TNS1: variants seen among roughly 807,000 people sequenced by gnomAD.
TNS1 encodes tensin-1.
Under a neutral mutation model 168.6 loss-of-function variants are expected in TNS1, and 62 were observed. The ratio of observed to expected loss-of-function variants is 0.37; its 90% CI spans 0.30 to 0.45. The LOEUF (loss-of-function observed/expected upper bound fraction) is 0.45. Ranked by LOEUF, TNS1 falls within the 20% of genes least tolerant of loss-of-function variation. The pLI, the probability that TNS1 is intolerant of heterozygous loss-of-function variation, is 1.00. For missense variants in TNS1, 2,240 were observed against 2,339.4 expected, an observed-to-expected ratio of 0.96 and a Z score of 0.88; for synonymous variants, 934 against 933.2, an observed-to-expected ratio of 1.00 and a Z score of -0.02.
intron 19 of TNS1, among the ~76,000 whole-genome samples, chr2:217,840,537 G>T (rs867956146): frequency 6.6e-6 from 1 of 152,266 alleles, no homozygotes; most frequent in Non-Finnish European, 1.5e-5. Flanking sequence ...CTCAGGCAGG[G>T]CCAGGACCCC....
intron 3 of TNS1, among the ~76,000 whole-genome samples, chr2:217,973,107 A>G (rs1957809532): frequency 6.6e-6 from 1 of 152,142 alleles, no homozygotes; most frequent in Admixed American, 6.5e-5. Context: ...TAATCTCAGC[A>G]CTTTGGGAAG....
At chr2:217,863,475 C>T (rs768256671) in intron 18 of TNS1, among the ~76,000 whole-genome samples, 43 of 152,098 alleles carry the variant, frequency 2.8e-4, no homozygotes, top group Admixed American at 9.8e-4. Flanking sequence ...TGGTCCCAAG[C>T]AATTGTATTG....
At chr2:217,920,659 GA>G (rs1308671498) in intron 3 of TNS1, among the ~76,000 whole-genome samples, 1 of 150,572 alleles carries the variant, frequency 6.6e-6, no homozygotes, top group Non-Finnish European at 1.5e-5. Context: ...ACCATCATCA[GA>G]AAAGGGAGAG....
In TNS1 at chr2:218,032,372, G is replaced by C. The variant is rs774962667; in HGVS notation, c.156+1448C>G. 1.4e-4 allele frequency among the ~76,000 whole-genome samples: 22 copies of C among 152,190 alleles called. No homozygotes were observed. Among genetic ancestry groups the C allele is most frequent in the African/African-American group, 2.4e-5 (1 of 41,440 alleles). ...TGTGGAGGAGGAGGCAGCATGACAG[G>C]GGAAGGGGGCGATGTGGCCTGGGTA... is the stretch of plus-strand genomic sequence containing the variant. On this transcript the variant is annotated intron_variant, in intron 1 of 1. Transcript: ENST00000649572. This position sits in a 1 kb window ranked among gnomAD's most constrained non-coding sequence, Gnocchi z 4.0.
Position 217,881,020 on chromosome 2 carries a change from T to C in TNS1, c.1313-6A>G. The C allele has an allele frequency of 1.2e-6, 2 of 1,605,470 alleles. No individual in the cohort carries two copies. Among genetic ancestry groups the C allele is most frequent in the Non-Finnish European group, 1.7e-6 (2 of 1,172,602 alleles). On this transcript the variant is annotated splice_polypyrimidine_tract_variant and splice_region_variant and intron_variant, in intron 17 of 32. Transcript: ENST00000682258. ...GTTCTCCAGGTGCTCCATGCCTAAGTGGGATGGGAAAGGCAGCGGCAGTCG... is the reference window on the plus strand; with the variant it reads ...GTTCTCCAGGTGCTCCATGCCTAAGCGGGATGGGAAAGGCAGCGGCAGTCG...
At chr2:218,015,152 G>A (rs865975070), upstream of TNS1, among the ~76,000 whole-genome samples, 4 of 152,136 alleles carry the variant, frequency 2.6e-5, no homozygotes, top group South Asian at 6.2e-4. Flanking sequence ...TACTGATTCC[G>A]GTTAAACTTG....
intron 3 of TNS1, among the ~76,000 whole-genome samples, chr2:217,945,845 G>A (rs1436478359): frequency 6.6e-6 from 1 of 152,128 alleles, no homozygotes; most frequent in Admixed American, 6.5e-5. Context: ...TCTGGGGCTT[G>A]GGTCAGCTCT....
intron 3 of TNS1, among the ~76,000 whole-genome samples, chr2:217,928,129 C>T (rs986896507): frequency 6.6e-6 from 1 of 152,246 alleles, no homozygotes; most frequent in African/African-American, 2.4e-5. Context: ...AGGCCTCCTT[C>T]AGGACCTGAG....
chr2:217,895,842 T>G (rs1952235511), intron 8 of TNS1, among the ~76,000 whole-genome samples: 1 of 152,018 alleles, frequency 6.6e-6, no homozygotes, highest in African/African-American at 2.4e-5. Context: ...CACTGTGTCA[T>G]CTCCTGGGGA....
rs1953806522 is a variant in TNS1 at position 217,907,130 on chromosome 2, C to A, written c.270+80G>T. The A allele has an allele frequency of 1.2e-5, 8 of 693,520 alleles. No homozygotes were observed. In the South Asian group the frequency reaches 1.2e-4, roughly 10 times the overall value. The allele number at this position is 693,520 out of a possible 1,614,324, so 43.0% of individuals were successfully genotyped here. On this transcript the variant is annotated intron_variant, in intron 5 of 32. Transcript: ENST00000682258. ...CCAACCACATCTGTCCACTCTCCCC[C>A]AAATCCACTCTCCACTTCCAGCCTT...
chr2:217,897,995 G>A, intron 7 of TNS1, 26 bp from the exon 8 acceptor site: 2 of 1,574,708 alleles, frequency 1.3e-6, no homozygotes, highest in Middle Eastern at 1.7e-4. Context: ...GCAGCGGAGG[G>A]TCCATATCAG....
intron 18 of TNS1, among the ~76,000 whole-genome samples, chr2:217,863,251 G>T (rs548245333): frequency 6.6e-6 from 1 of 151,878 alleles, no homozygotes; most frequent in South Asian, 2.1e-4. Context: ...CCCTGCAGGT[G>T]GGACAGGTGA....
At chr2:217,858,256 T>C (rs1948398717) in intron 18 of TNS1, among the ~76,000 whole-genome samples, 2 of 151,928 alleles carry the variant, frequency 1.3e-5, no homozygotes, top group South Asian at 4.2e-4. Flanking sequence ...CTATGGCTCT[T>C]ACGTGTCCCA....
Position 217,880,884 on chromosome 2 carries a change from T to A in TNS1, c.1429+14A>T, listed in dbSNP as rs566885176. On this transcript the variant is annotated intron_variant, in intron 18 of 32. Transcript: ENST00000682258. The surrounding 1 kb of genome is among the most constrained non-coding windows in gnomAD (Gnocchi z 4.2). ...AGTTTGGATAGGGGCTGGGAGCCAC[T>A]AGGTCCCACCTACCCTCCATGCCGT... 1.2e-6 allele frequency: 2 copies of A among 1,601,494 alleles called. No homozygotes were observed. Among genetic ancestry groups the A allele is most frequent in the Non-Finnish European group, 1.7e-6 (2 of 1,168,602 alleles).
chr2:218,008,106 G>T (rs1304592882), intron 1 of TNS1, among the ~76,000 whole-genome samples: 1 of 152,166 alleles, frequency 6.6e-6, no homozygotes, highest in African/African-American at 2.4e-5. Flanking sequence ...ACGAGAAGGA[G>T]CCTCACTCAC....
chr2:217,972,540 G>A (rs1180080513), intron 3 of TNS1, among the ~76,000 whole-genome samples: 1 of 152,224 alleles, frequency 6.6e-6, no homozygotes, highest in East Asian at 1.9e-4. Flanking sequence ...CAGGGGAGGA[G>A]ACCAAGCTGT....
intron 12 of TNS1, among the ~76,000 whole-genome samples, chr2:217,887,969 G>A (rs1174226320): frequency 6.6e-6 from 1 of 152,202 alleles, no homozygotes; most frequent in East Asian, 1.9e-4. Flanking sequence ...TCTGAAGAGG[G>A]TGGAACTAGA....
At chr2:217,922,737 G>A (rs922661190) in intron 3 of TNS1, among the ~76,000 whole-genome samples, 15 of 152,242 alleles carry the variant, frequency 9.9e-5, no homozygotes, top group Admixed American at 6.5e-4. Flanking sequence ...CTGGCCTCCC[G>A]AGGCAGAGGC....
At position 217,899,063 on chromosome 2, in the gene TNS1, G is replaced by A. The variant is rs552382435; in HGVS notation, c.372-1094C>T. On this transcript the variant is annotated intron_variant, in intron 7 of 32. Coordinates refer to ENST00000682258, the MANE Select transcript of TNS1 (RefSeq NM_001387777.1). ...GGGCAGCGAAAGGAATACCACTGGGGTATTTAAAAGTGATGAGGGCTCTCT... is the reference window on the plus strand; with the variant it reads ...GGGCAGCGAAAGGAATACCACTGGGATATTTAAAAGTGATGAGGGCTCTCT... Among the ~76,000 whole-genome samples the A allele has an allele frequency of 3.3e-5, 5 of 152,322 alleles. No individual in the cohort carries two copies. In the South Asian group the frequency reaches 8.3e-4, roughly 25 times the overall value.
Sources: allele counts gnomAD v4.1 joint callset (sites outside exome capture counted in the v4.1 genomes callset), GRCh38; gene constraint gnomAD v4.1.1; non-coding constraint Gnocchi (gnomAD v3.1); transcripts MANE v1.5; gene names NCBI Gene and HGNC (gene_info 2026-07-23, HGNC 2026-07-21).